The following CRLF3 variants were observed in gnomAD, a reference collection of about 807,000 sequenced individuals.
The protein encoded by CRLF3 is cytokine receptor-like factor 3.
CRLF3 carries 33 observed loss-of-function variants against 55.0 expected under a neutral mutation model. The observed-to-expected ratio is 0.60, with a 90% CI of 0.46 to 0.80. CRLF3 has a LOEUF of 0.80. CRLF3 is among the 30% of genes least tolerant of loss of function. The pLI is 0.00. For synonymous variants in CRLF3, 238 were observed against 196.8 expected (o/e 1.21, Z -1.75); for missense variants, 494 against 538.4 (o/e 0.92, Z 0.82).
chr17:30,804,147 TA>T (rs764061404), intron 1 of CRLF3, 39 bp from the exon 2 acceptor site: 1 of 1,417,656 alleles, frequency 7.1e-7, no homozygotes, highest in Admixed American at 1.7e-5. Flanking sequence ...TCAGAATCTT[TA>T]AAAAAGGCTA....
chr17:30,811,838 C>T lies in CRLF3; in HGVS notation c.130-7730G>A, dbSNP rs1422082411. 1.8e-4 allele frequency among the ~76,000 whole-genome samples: 24 copies of T among 136,524 alleles called. No homozygotes were observed. The East Asian group carries it at 4.9e-3, about 28-fold the overall frequency. The allele number at this position is 136,524 out of a possible 152,430, so 89.6% of individuals were successfully genotyped here. A position where few individuals can be genotyped will look rare whatever the true frequency, so the allele number is the denominator to read the frequency against. ...AAAAAAAAAAAAAAAAGGCCAGGTG[C>T]GGTGGCTCACGCCTGTAACCCTTGC... is the stretch of plus-strand genomic sequence containing the variant. On this transcript the variant is annotated intron_variant, in intron 1 of 7. Transcript: ENST00000324238.
At chr17:30,816,111 G>A (rs879462568) in intron 1 of CRLF3, among the ~76,000 whole-genome samples, 14 of 150,972 alleles carry the variant, frequency 9.3e-5, no homozygotes, top group Middle Eastern at 3.5e-3. Context: ...GTGAAACTCC[G>A]TCTGTACTAA....
rs745823775 is a variant in CRLF3 at position 30,784,250 on chromosome 17, A to G, written c.1266T>C (p.Ser422=). 7 of 1,613,644 alleles carry G rather than the reference A, an allele frequency of 4.3e-6. No homozygotes were observed. In the South Asian group the frequency reaches 7.7e-5, roughly 18 times the overall value. ...AGCATCCAAAGTAAAGAGAACCACA[A>G]GACTGATCAAGTAACCAGTCAAAAA... is the stretch of plus-strand genomic sequence containing the variant. ...EVVFDWLLDQ[S]CGSLYFGCSF... Residue 422 remains serine, a synonymous_variant, in exon 8 of 8, where the codon TCT becomes TCC. Coordinates refer to ENST00000324238, the MANE Select transcript of CRLF3 (RefSeq NM_015986.4).
intron 2 of CRLF3, among the ~76,000 whole-genome samples, chr17:30,799,805 AG>A (rs1310927457): frequency 6.6e-6 from 1 of 152,102 alleles, no homozygotes; most frequent in East Asian, 1.9e-4. Context: ...GCGCCCGGCC[AG>A]GATTTATCTT....
intron 5 of CRLF3, 143 bp from the exon 6 acceptor site, chr17:30,792,715 A>T: frequency 1.5e-6 from 1 of 654,520 alleles, no homozygotes; most frequent in South Asian, 2.5e-5. Context: ...TTCCATTAAC[A>T]GGGTATCATG....
chr17:30,810,466 G>T (rs1051789638), intron 1 of CRLF3, among the ~76,000 whole-genome samples: 1 of 152,056 alleles, frequency 6.6e-6, no homozygotes, highest in African/African-American at 2.4e-5. Context: ...CTGGGCTGAG[G>T]CAGGAGAATC....
At chr17:30,808,915 C>T (rs894060320) in intron 1 of CRLF3, among the ~76,000 whole-genome samples, 5 of 152,020 alleles carry the variant, frequency 3.3e-5, no homozygotes, top group Non-Finnish European at 7.4e-5. Context: ...TTAACAGGAC[C>T]CTCAGTTGCT....
intron 1 of CRLF3, among the ~76,000 whole-genome samples, chr17:30,808,868 C>T (rs1175610206): frequency 6.6e-6 from 1 of 152,242 alleles, no homozygotes; most frequent in African/African-American, 2.4e-5. Context: ...GCTGGGATTA[C>T]AGGCATGAGC....
intron 6 of CRLF3, among the ~76,000 whole-genome samples, chr17:30,789,238 A>T (rs547154278): frequency 3.3e-5 from 5 of 152,306 alleles, no homozygotes; most frequent in African/African-American, 1.2e-4. Flanking sequence ...TGCAAGAGAG[A>T]CTCAACAGTT....
At chr17:30,810,698 G>A (rs1011459032) in intron 1 of CRLF3, among the ~76,000 whole-genome samples, 1 of 152,168 alleles carries the variant, frequency 6.6e-6, no homozygotes, top group Non-Finnish European at 1.5e-5. Flanking sequence ...CATCAAGTTT[G>A]TATTTCAATA....
intron 6 of CRLF3, among the ~76,000 whole-genome samples, chr17:30,789,748 A>G (rs2142245867): frequency 6.6e-6 from 1 of 152,360 alleles, no homozygotes; most frequent in East Asian, 1.9e-4. Context: ...TACATGGCAC[A>G]TAGTAAATAC....
At chr17:30,798,668 G>A (rs1004325688) in intron 2 of CRLF3, among the ~76,000 whole-genome samples, 22 of 151,920 alleles carry the variant, frequency 1.4e-4, no homozygotes, top group East Asian at 5.8e-4. Flanking sequence ...ATGAAACCCC[G>A]TCTCTACTAA....
intron 2 of CRLF3, among the ~76,000 whole-genome samples, chr17:30,797,758 G>A (rs978061839): frequency 7.4e-5 from 11 of 148,916 alleles, no homozygotes; most frequent in African/African-American, 2.7e-4. Context: ...CCTGAGAGGT[G>A]CAACAGGGGA....
intron 1 of CRLF3, among the ~76,000 whole-genome samples, chr17:30,805,929 G>T (rs1038710010): frequency 1.3e-5 from 2 of 151,980 alleles, no homozygotes; most frequent in African/African-American, 4.8e-5. Context: ...AGGCTGAGGT[G>T]GGAGGATCAC....
intron 4 of CRLF3, among the ~76,000 whole-genome samples, chr17:30,794,625 C>T (rs1237339218): frequency 6.6e-6 from 1 of 152,096 alleles, no homozygotes; most frequent in African/African-American, 2.4e-5. Flanking sequence ...CAGCAAAACC[C>T]CATCTCTACA....
chr17:30,795,289 T>C (rs1376616182), intron 4 of CRLF3, among the ~76,000 whole-genome samples: 2 of 143,494 alleles, frequency 1.4e-5, no homozygotes, highest in African/African-American at 5.2e-5. Flanking sequence ...GAGACCAACC[T>C]GACCAACATG....
intron 2 of CRLF3, among the ~76,000 whole-genome samples, chr17:30,803,037 C>T (rs764145603): frequency 2.8e-4 from 43 of 151,540 alleles, no homozygotes; most frequent in African/African-American, 8.2e-4. Context: ...TGGTGGGACG[C>T]GCCTGTAATC....
At position 30,803,924 on chromosome 17, in the gene CRLF3, G is replaced by T; in HGVS notation, c.314C>A (p.Thr105Asn). The T allele has an allele frequency of 1.2e-6, 2 of 1,612,010 alleles. No individual in the cohort carries two copies. The highest frequency in any genetic ancestry group is 1.7e-6 in the Non-Finnish European group (2 of 1,179,796). Reference sequence around the variant, plus strand: ...ACCTTCTCGGACTAAGTCCTCTGCAGTGTTGACTCCGTGTTCTATGAGCTT... The same window carrying T: ...ACCTTCTCGGACTAAGTCCTCTGCATTGTTGACTCCGTGTTCTATGAGCTT... ...CQKLIEHGVN[T>N]AEDLVREGEI... Residue 105 changes from threonine to asparagine, a missense_variant, in exon 2 of 8, where the codon ACT becomes AAT. Coordinates refer to ENST00000324238, the MANE Select transcript of CRLF3 (RefSeq NM_015986.4).
At position 30,805,639 on chromosome 17, in the gene CRLF3, G is replaced by T. The variant is rs576855128; in HGVS notation, c.130-1531C>A. ...TGAGGCAGGAGAATCGGTTGAACCC[G>T]GGAGGCGAAGGTTCCAGTGAACTGA... On this transcript the variant is annotated intron_variant, in intron 1 of 7. Transcript: ENST00000324238. 4.0e-5 allele frequency among the ~76,000 whole-genome samples: 6 copies of T among 151,256 alleles called. No homozygotes were observed. The East Asian group carries it at 1.2e-3, about 29-fold the overall frequency.
Sources: allele counts gnomAD v4.1 joint callset (sites outside exome capture counted in the v4.1 genomes callset), GRCh38; gene constraint gnomAD v4.1.1; transcripts MANE v1.5; gene names NCBI Gene and HGNC (gene_info 2026-07-23, HGNC 2026-07-21).